Variants in REV3L observed in about 807,000 individuals in gnomAD.
REV3L encodes DNA polymerase zeta catalytic subunit.
Under a neutral mutation model 299.4 loss-of-function variants are expected in REV3L, and 69 were observed. That is an observed-to-expected ratio of 0.23 (90% CI 0.19 to 0.28). The LOEUF is 0.28. REV3L is among the 10% of genes least tolerant of loss of function. The pLI, the probability that REV3L is intolerant of heterozygous loss-of-function variation, is 1.00. For synonymous variants in REV3L, 1,238 were observed against 1,271.4 expected (o/e 0.97, Z 0.56); for missense variants, 3,128 against 3,693.8 (o/e 0.85, Z 3.97).
intron 26 of REV3L, among the ~76,000 whole-genome samples, chr6:111,319,690 C>T (rs1330037924): frequency 1.3e-5 from 2 of 152,052 alleles, no homozygotes; most frequent in Non-Finnish European, 2.9e-5. Context: ...CATTTACCTT[C>T]GTCTATCAGA....
chr6:111,352,092 T>C (rs936283187), intron 18 of REV3L, among the ~76,000 whole-genome samples: 7 of 151,930 alleles, frequency 4.6e-5, no homozygotes, highest in Non-Finnish European at 1.0e-4. Context: ...CTGCAACCTC[T>C]GCTTCCCAGG....
intron 1 of REV3L, among the ~76,000 whole-genome samples, chr6:111,471,789 T>C (rs1056800730): frequency 6.6e-6 from 1 of 152,064 alleles, no homozygotes; most frequent in East Asian, 1.9e-4. Context: ...ACAAACACAA[T>C]ATCCATTGTA....
Position 111,299,069 on chromosome 6 carries a change from CCATT to C in REV3L, c.*943_*946del, listed in dbSNP as rs549543737. 7.9e-5 allele frequency: 12 copies of C among 152,324 alleles called. No individual in the cohort carries two copies. In the South Asian group the frequency reaches 2.5e-3, roughly 32 times the overall value. 9.4% of individuals were successfully genotyped at this position (152,324 alleles called of 1,614,324 possible). A position where few individuals can be genotyped will look rare whatever the true frequency, so the allele number is the denominator to read the frequency against. On this transcript the variant is annotated 3_prime_UTR_variant, in exon 32 of 32. Coordinates refer to ENST00000368802, the MANE Select transcript of REV3L (RefSeq NM_001372078.1). The stretch of plus-strand genomic sequence containing the variant: ...ATTTTATTCAATTTTAATATGGTTT[CCATT>C]ATTAACTTTTAAAACAAAATGATTT...
intron 31 of REV3L, among the ~76,000 whole-genome samples, chr6:111,306,383 A>T (rs1164261147): frequency 6.6e-6 from 1 of 152,166 alleles, no homozygotes; most frequent in African/African-American, 2.4e-5. Context: ...GTGACAGAGA[A>T]GAGCAAGAAA....
intron 13 of REV3L, among the ~76,000 whole-genome samples, chr6:111,371,811 C>G (rs905161384): frequency 6.6e-6 from 1 of 151,842 alleles, no homozygotes; most frequent in East Asian, 1.9e-4. Context: ...TGATCTGCCC[C>G]CCTCGGCCTC....
intron 1 of REV3L, among the ~76,000 whole-genome samples, chr6:111,448,590 G>A (rs1789133348): frequency 1.3e-5 from 2 of 151,994 alleles, no homozygotes; most frequent in Non-Finnish European, 2.9e-5. Context: ...CTCCCAAAGT[G>A]CTGGGATTAC....
In REV3L at chr6:111,376,841, A is replaced by G. The variant is rs1780367776; in HGVS notation, c.1598-84T>C. ...TTTCCCACACCAAGATATTAATGCT[A>G]TCACTATGAAAAAATTACATCAAAT... On this transcript the variant is annotated intron_variant, in intron 12 of 31. Transcript: ENST00000368802. The G allele has an allele frequency of 5.4e-6, 6 of 1,106,768 alleles. No homozygotes were observed. The Admixed American group carries it at 1.4e-4, about 26-fold the overall frequency. 68.6% of individuals were successfully genotyped at this position (1,106,768 alleles called of 1,614,324 possible).
chr6:111,325,132 A>G (rs1211645219), intron 25 of REV3L, among the ~76,000 whole-genome samples: 1 of 152,232 alleles, frequency 6.6e-6, no homozygotes, highest in Non-Finnish European at 1.5e-5. Context: ...AAGTGCTGGG[A>G]TTACAGGCGT....
intron 1 of REV3L, among the ~76,000 whole-genome samples, chr6:111,453,838 T>C (rs1789843100): frequency 1.3e-5 from 2 of 151,778 alleles, no homozygotes; most frequent in African/African-American, 4.8e-5. Flanking sequence ...ACAAAAAAAT[T>C]AGCTGGGCGT....
chr6:111,416,016 T>G (rs111947232), intron 2 of REV3L, among the ~76,000 whole-genome samples: 1 of 152,170 alleles, frequency 6.6e-6, no homozygotes, highest in Non-Finnish European at 1.5e-5. Flanking sequence ...TTAAGAAATA[T>G]TTGCTGAATA....
At chr6:111,430,841 T>G in intron 1 of REV3L, 1 of 1,607,874 alleles carries the variant, frequency 6.2e-7, no homozygotes, top group Non-Finnish European at 8.5e-7. Context: ...TCAGTGCAAA[T>G]TGGAAAGAAG....
intron 3 of REV3L, among the ~76,000 whole-genome samples, chr6:111,408,648 A>AAAAC (rs1783908918): frequency 1.4e-5 from 2 of 139,932 alleles, no homozygotes; most frequent in Non-Finnish European, 3.1e-5. Flanking sequence ...AAAACAAAAC[A>AAAAC]AAAACAACAT....
chr6:111,417,512 C>T (rs1263589403), intron 1 of REV3L, among the ~76,000 whole-genome samples: 1 of 152,138 alleles, frequency 6.6e-6, no homozygotes, highest in Non-Finnish European at 1.5e-5. Flanking sequence ...CTGTTCCTGC[C>T]AACACAAGCC....
intron 1 of REV3L, among the ~76,000 whole-genome samples, chr6:111,432,911 A>C (rs1214570437): frequency 6.6e-6 from 1 of 152,218 alleles, no homozygotes; most frequent in Non-Finnish European, 1.5e-5. Flanking sequence ...AAAATACACA[A>C]ACACATGAAA....
intron 1 of REV3L, among the ~76,000 whole-genome samples, chr6:111,444,841 A>C (rs970394674): frequency 2.0e-5 from 3 of 152,230 alleles, no homozygotes; most frequent in African/African-American, 7.2e-5. Context: ...TTTTGTCATT[A>C]GAAAAATTTC....
intron 2 of REV3L, among the ~76,000 whole-genome samples, chr6:111,414,843 A>T (rs1784590137): frequency 6.6e-6 from 1 of 152,202 alleles, no homozygotes; most frequent in South Asian, 2.1e-4. Context: ...GAATAGATCC[A>T]GAAGCTGATG....
chr6:111,365,187 A>G, intron 15 of REV3L, 78 bp downstream of exon 15: 1 of 936,654 alleles, frequency 1.1e-6, no homozygotes, highest in South Asian at 1.8e-5. Flanking sequence ...ATTGAGACAA[A>G]GTTAACAATT....
In REV3L at chr6:111,483,103, A is replaced by G; in HGVS notation, c.-215T>C. 1.9e-6 allele frequency: 1 copy of G among 532,186 alleles called. No homozygotes were observed. The highest frequency in any genetic ancestry group is 3.1e-6 in the Non-Finnish European group (1 of 320,906). 33.0% of individuals were successfully genotyped at this position (532,186 alleles called of 1,614,324 possible). A position where few individuals can be genotyped will look rare whatever the true frequency, so the allele number is the denominator to read the frequency against. The stretch of plus-strand genomic sequence containing the variant: ...AGCACCCGGCAAGGGGCCGCAGGAG[A>G]GAAGCCCTCGAGCTTTCGTCGGTGC... On this transcript the variant is annotated 5_prime_UTR_variant, in exon 1 of 32. Coordinates refer to ENST00000368802, the MANE Select transcript of REV3L (RefSeq NM_001372078.1).
At chr6:111,449,545 T>C (rs893464841) in intron 1 of REV3L, among the ~76,000 whole-genome samples, 8 of 152,180 alleles carry the variant, frequency 5.3e-5, no homozygotes, top group Non-Finnish European at 1.0e-4. Flanking sequence ...GCTCACACAG[T>C]AGCAGGAATA....
Sources: allele counts gnomAD v4.1 joint callset (sites outside exome capture counted in the v4.1 genomes callset), GRCh38; gene constraint gnomAD v4.1.1; transcripts MANE v1.5; gene names NCBI Gene and HGNC (gene_info 2026-07-23, HGNC 2026-07-21).